The following RHEB variants were observed in gnomAD, a reference collection of about 807,000 sequenced individuals.
The protein encoded by RHEB is Ras homolog, mTORC1 binding.
A neutral mutation model predicts 28.8 loss-of-function variants in RHEB; 2 were observed. That is an observed-to-expected ratio of 0.07 (90% CI 0.03 to 0.22). RHEB has a LOEUF of 0.22. Among genes scored for constraint, RHEB ranks in the 10% least tolerant of loss-of-function variants. The pLI is 1.00. For synonymous variants in RHEB, 69 were observed against 77.3 expected, an observed-to-expected ratio of 0.89 and a Z score of 0.56; for missense variants, 76 against 219.9, an observed-to-expected ratio of 0.35 and a Z score of 4.14.
intron 4 of RHEB, among the ~76,000 whole-genome samples, chr7:151,474,629 C>T (rs1802234931): frequency 6.6e-6 from 1 of 152,134 alleles, no homozygotes; most frequent in African/African-American, 2.4e-5. Context: ...ACCCAAATCT[C>T]ACATCTCTCA....
intron 1 of RHEB, 23 bp downstream of exon 1, chr7:151,519,437 C>A (rs746621852): frequency 1.1e-5 from 16 of 1,407,474 alleles, no homozygotes; most frequent in Non-Finnish European, 1.5e-5. Flanking sequence ...CGCGAGGAGG[C>A]CGCGCGGCCA....
intron 1 of RHEB, chr7:151,501,905 A>C (rs1208239656): frequency 4.2e-6 from 3 of 711,306 alleles, no homozygotes; most frequent in Non-Finnish European, 7.6e-6. Flanking sequence ...TGCTGTGGAC[A>C]GGAACGTGGA....
chr7:151,473,192 T>A (rs911458665), intron 4 of RHEB, among the ~76,000 whole-genome samples: 5 of 152,226 alleles, frequency 3.3e-5, no homozygotes, highest in African/African-American at 1.2e-4. Context: ...CAGTGGCTTG[T>A]CATGCAGGAA....
At chr7:151,480,061 G>A (rs574289599) in intron 3 of RHEB, among the ~76,000 whole-genome samples, 131 of 152,292 alleles carry the variant, frequency 8.6e-4, no homozygotes, top group African/African-American at 3.0e-3. Context: ...GTACCAAAAC[G>A]TTTGCTAACA....
intron 7 of RHEB, among the ~76,000 whole-genome samples, chr7:151,469,605 A>G (rs913330735): frequency 1.3e-5 from 2 of 152,228 alleles, no homozygotes; most frequent in African/African-American, 4.8e-5. Context: ...AAACACCACC[A>G]CATGTTGAAA....
intron 1 of RHEB, among the ~76,000 whole-genome samples, chr7:151,496,909 A>C (rs1475674172): frequency 2.7e-5 from 4 of 148,632 alleles, no homozygotes; most frequent in Non-Finnish European, 5.9e-5. Context: ...CCTCCCAAGT[A>C]GCTGGGACTA....
intron 1 of RHEB, among the ~76,000 whole-genome samples, chr7:151,497,797 T>C (rs1217998547): frequency 6.6e-6 from 1 of 152,228 alleles, no homozygotes; most frequent in Non-Finnish European, 1.5e-5. Context: ...CCCCTTGTTC[T>C]CTAGATCCCA....
At chr7:151,492,262 A>G (rs1802596250) in intron 1 of RHEB, among the ~76,000 whole-genome samples, 1 of 152,226 alleles carries the variant, frequency 6.6e-6, no homozygotes, top group Non-Finnish European at 1.5e-5. Context: ...ATAGTTGCAC[A>G]ATGTTTTCAC....
intron 1 of RHEB, among the ~76,000 whole-genome samples, chr7:151,492,617 A>G (rs1283099519): frequency 2.7e-5 from 4 of 148,830 alleles, no homozygotes; most frequent in Non-Finnish European, 5.9e-5. Flanking sequence ...ACTCTGTCTT[A>G]TAAAAAAAAA....
At chr7:151,475,751 T>G (rs963483515) in intron 4 of RHEB, among the ~76,000 whole-genome samples, 1 of 152,138 alleles carries the variant, frequency 6.6e-6, no homozygotes, top group Non-Finnish European at 1.5e-5. Flanking sequence ...AAGAGAGATA[T>G]CCATCTATCA....
At chr7:151,481,946 T>C (rs1030801953) in intron 3 of RHEB, among the ~76,000 whole-genome samples, 4 of 152,260 alleles carry the variant, frequency 2.6e-5, no homozygotes, top group African/African-American at 9.6e-5. Flanking sequence ...TGTACATTTA[T>C]GTTCCAGGGC....
At position 151,478,865 on chromosome 7, in the gene RHEB, C is replaced by G. The variant is rs555551339; in HGVS notation, c.193-1450G>C. On this transcript the variant is annotated intron_variant, in intron 3 of 7. Transcript: ENST00000262187. ...GGCCAGGCTGGTCTCGAACCCCTGA[C>G]CTCAGGTGATCCGCTTGCCTTGGCC... 3.9e-5 allele frequency among the ~76,000 whole-genome samples: 6 copies of G among 152,234 alleles called. No individual in the cohort carries two copies. The East Asian group carries it at 9.7e-4, about 25-fold the overall frequency.
At chr7:151,490,719 C>T (rs1234448024) in intron 2 of RHEB, among the ~76,000 whole-genome samples, 3 of 152,178 alleles carry the variant, frequency 2.0e-5, no homozygotes, top group African/African-American at 7.2e-5. Context: ...ATGGGCCAGA[C>T]TCCTACTGAC....
At chr7:151,501,308 T>C (rs927089743) in intron 1 of RHEB, among the ~76,000 whole-genome samples, 1 of 152,160 alleles carries the variant, frequency 6.6e-6, no homozygotes, top group Non-Finnish European at 1.5e-5. Flanking sequence ...CTGAACACTT[T>C]AACAAAGAAA....
At chr7:151,515,987 G>A (rs567654429) in intron 1 of RHEB, among the ~76,000 whole-genome samples, 149 of 152,210 alleles carry the variant, frequency 9.8e-4, no homozygotes, top group African/African-American at 3.5e-3. Flanking sequence ...CTCTGTACAG[G>A]TAAAATCCCA....
At chr7:151,493,551 G>A (rs1563096929) in intron 1 of RHEB, among the ~76,000 whole-genome samples, 1 of 152,200 alleles carries the variant, frequency 6.6e-6, no homozygotes, top group Non-Finnish European at 1.5e-5. Context: ...ACAAATGAAC[G>A]AAATTAAAGC....
chr7:151,506,804 A>G (rs997579818), intron 1 of RHEB, among the ~76,000 whole-genome samples: 68 of 152,204 alleles, frequency 4.5e-4, no homozygotes, highest in African/African-American at 1.4e-3. Context: ...TCTACAGTCA[A>G]CGCTGGGCTC....
At chr7:151,481,518 T>C (rs1231757706) in intron 3 of RHEB, among the ~76,000 whole-genome samples, 1 of 152,238 alleles carries the variant, frequency 6.6e-6, no homozygotes, top group African/African-American at 2.4e-5. Flanking sequence ...ATGCATCCAA[T>C]TTATAAAGCA....
At chr7:151,503,505 C>T (rs945140130) in intron 1 of RHEB, 5 of 865,632 alleles carry the variant, frequency 5.8e-6, no homozygotes, top group Non-Finnish European at 7.6e-6. Flanking sequence ...CAGCATCCAA[C>T]CCAAGAAGCA....
Sources: gnomAD v4.1 joint callset for allele counts (sites outside exome capture counted in the v4.1 genomes callset) on GRCh38, gnomAD v4.1.1 for gene constraint, MANE v1.5 for transcripts, NCBI Gene and HGNC (gene_info 2026-07-23, HGNC 2026-07-21) for gene names.